The following SLC44A1 variants were observed in gnomAD, a reference collection of about 807,000 sequenced individuals.
SLC44A1 encodes choline transporter-like protein 1.
In SLC44A1, 26 loss-of-function variants were observed where a neutral mutation model predicts 79.3. The ratio of observed to expected loss-of-function variants is 0.33; its 90% confidence interval spans 0.24 to 0.46. The LOEUF is 0.46. SLC44A1 is among the 20% of genes least tolerant of loss of function. SLC44A1 has a pLI of 1.00. For missense variants in SLC44A1, 688 were observed against 798.1 expected (o/e 0.86, Z 1.66); for synonymous variants, 263 against 286.2 (o/e 0.92, Z 0.82).
chr9:105,260,826 C>T (rs1395733204), intron 1 of SLC44A1, among the ~76,000 whole-genome samples: 1 of 152,174 alleles, frequency 6.6e-6, no homozygotes, highest in Non-Finnish European at 1.5e-5. Flanking sequence ...GGGGCAGTTA[C>T]AGTTATCACT....
intron 3 of SLC44A1, among the ~76,000 whole-genome samples, chr9:105,310,960 C>G (rs1831164883): frequency 6.6e-6 from 1 of 152,136 alleles, no homozygotes; most frequent in Non-Finnish European, 1.5e-5. Context: ...GAAACAGAGG[C>G]TTGGAAGATT....
rs144759501 is a variant in SLC44A1 at position 105,376,459 on chromosome 9, C to T, written c.1632+1724C>T. Among the ~76,000 whole-genome samples the T allele has an allele frequency of 2.1e-3, 313 of 151,946 alleles. 1 individual carries two copies. The highest frequency in any genetic ancestry group is 7.4e-3 in the African/African-American group (308 of 41,400). On this transcript the variant is annotated intron_variant, in intron 13 of 15. Coordinates refer to ENST00000374720, the MANE Select transcript of SLC44A1 (RefSeq NM_080546.5). ...CACAATTTCGGCTCACTGCAACCTC[C>T]GCGTCCTGGGTTTAAGCGATTCTCC... is the stretch of plus-strand genomic sequence containing the variant.
chr9:105,360,825 C>T (rs545986721), intron 7 of SLC44A1, among the ~76,000 whole-genome samples: 1 of 152,324 alleles, frequency 6.6e-6, no homozygotes, highest in African/African-American at 2.4e-5. Flanking sequence ...TTCTGTGATG[C>T]TTATTTCCTT....
At position 105,390,668 on chromosome 9, in the gene SLC44A1, G is replaced by A. The variant is rs1028043082; in HGVS notation, c.*1612G>A. The A allele has an allele frequency of 5.1e-6, 5 of 985,304 alleles. No homozygotes were observed. The highest frequency in any genetic ancestry group is 6.0e-6 in the Non-Finnish European group (5 of 829,714). The allele number at this position is 985,304 out of a possible 1,614,324, so 61.0% of individuals were successfully genotyped here. On this transcript the variant is annotated 3_prime_UTR_variant, in exon 16 of 16. Transcript: ENST00000374720. ...AAATTGTATTTTTTTTTAAGTATTG[G>A]TGTTCTTTACTCTAGCTAGGCTAAA... is the stretch of plus-strand genomic sequence containing the variant.
At chr9:105,349,748 ATTC>A (rs1433958352) in intron 5 of SLC44A1, among the ~76,000 whole-genome samples, 2 of 152,210 alleles carry the variant, frequency 1.3e-5, no homozygotes, top group Non-Finnish European at 2.9e-5. Flanking sequence ...TTTTAAATAT[ATTC>A]TTTGAATATA....
At chr9:105,385,368 C>A in intron 14 of SLC44A1, 54 bp from the exon 15 acceptor site, 1 of 1,274,300 alleles carries the variant, frequency 7.8e-7, no homozygotes, top group Non-Finnish European at 1.1e-6. Flanking sequence ...AATTCATCTA[C>A]TAACAAATCT....
At chr9:105,347,684 A>C (rs1827282572) in intron 4 of SLC44A1, among the ~76,000 whole-genome samples, 1 of 152,044 alleles carries the variant, frequency 6.6e-6, no homozygotes, top group Non-Finnish European at 1.5e-5. Context: ...TTGCATAGCC[A>C]ATCTAAAGTT....
At chr9:105,251,249 C>G (rs1214318193) in intron 1 of SLC44A1, among the ~76,000 whole-genome samples, 2 of 152,158 alleles carry the variant, frequency 1.3e-5, no homozygotes, top group Admixed American at 1.3e-4. Context: ...CCGAATGATA[C>G]CAATGCCCTG....
chr9:105,372,825 C>G (rs1050956649), intron 12 of SLC44A1, among the ~76,000 whole-genome samples: 3 of 147,508 alleles, frequency 2.0e-5, no homozygotes, highest in African/African-American at 7.3e-5. Flanking sequence ...TGGCGGGCGC[C>G]TGTAGTCCCA....
At position 105,299,201 on chromosome 9, in the gene SLC44A1, A is replaced by T; in HGVS notation, c.37-19A>T. 1 of 1,567,456 alleles carries T rather than the reference A, an allele frequency of 6.4e-7. No homozygotes were observed. The highest frequency in any genetic ancestry group is 1.2e-5 in the South Asian group (1 of 85,816). ...TAAACTTAGCATTTAACACTCTCTT[A>T]TTTTGTATTTCCAATTAGAGCTCCA... On this transcript the variant is annotated intron_variant, in intron 1 of 15. Coordinates refer to ENST00000374720, the MANE Select transcript of SLC44A1 (RefSeq NM_080546.5).
intron 1 of SLC44A1, among the ~76,000 whole-genome samples, chr9:105,271,069 C>G (rs1340031455): frequency 6.6e-6 from 1 of 152,224 alleles, no homozygotes; most frequent in Non-Finnish European, 1.5e-5. Context: ...CTTTCACACG[C>G]TTCTTTCCTG....
At chr9:105,248,602 T>G (rs1829509894) in intron 1 of SLC44A1, among the ~76,000 whole-genome samples, 1 of 152,248 alleles carries the variant, frequency 6.6e-6, no homozygotes, top group Non-Finnish European at 1.5e-5. Flanking sequence ...TGTTTACTAA[T>G]ATTGGTAATT....
At position 105,391,143 on chromosome 9, in the gene SLC44A1, C is replaced by T; in HGVS notation, c.*2087C>T. The T allele has an allele frequency of 1.0e-6, 1 of 985,614 alleles. No homozygotes were observed. The highest frequency in any genetic ancestry group is 1.2e-6 in the Non-Finnish European group (1 of 829,876). The allele number at this position is 985,614 out of a possible 1,614,324, so 61.1% of individuals were successfully genotyped here. A position where few individuals can be genotyped will look rare whatever the true frequency, so the allele number is the denominator to read the frequency against. ...GGAGCTAGCAATTTTAAGAGGTGTC[C>T]CTCCAAAGTGACCTGATGGAAGTCC... On this transcript the variant is annotated 3_prime_UTR_variant, in exon 16 of 16. Transcript: ENST00000374720.
intron 12 of SLC44A1, among the ~76,000 whole-genome samples, chr9:105,367,351 C>A (rs898439228): frequency 6.6e-6 from 1 of 152,146 alleles, no homozygotes; most frequent in East Asian, 1.9e-4. Flanking sequence ...TTATTGGGTT[C>A]TATGGTTAAT....
downstream of SLC44A1, among the ~76,000 whole-genome samples, chr9:105,398,180 T>C (rs1175568045): frequency 6.6e-6 from 1 of 152,200 alleles, no homozygotes; most frequent in Non-Finnish European, 1.5e-5. Flanking sequence ...TTTTAGGTAA[T>C]GTTAGGGACG....
At chr9:105,311,550 A>T (rs545580614) in intron 3 of SLC44A1, among the ~76,000 whole-genome samples, 2 of 152,244 alleles carry the variant, frequency 1.3e-5, no homozygotes, top group South Asian at 2.1e-4. Context: ...AAATACTTGG[A>T]TTATTCTATG....
chr9:105,256,927 C>T (rs1829722983), intron 1 of SLC44A1, among the ~76,000 whole-genome samples: 1 of 151,620 alleles, frequency 6.6e-6, no homozygotes. Context: ...GCTGGGATTA[C>T]AGGTGCCCAC....
intron 3 of SLC44A1, among the ~76,000 whole-genome samples, chr9:105,335,160 A>G (rs954916015): frequency 1.3e-5 from 2 of 152,068 alleles, no homozygotes; most frequent in Non-Finnish European, 2.9e-5. Flanking sequence ...TACATTTATT[A>G]ACTAAAGTTT....
chr9:105,345,450 A>T (rs1359992024), intron 4 of SLC44A1, among the ~76,000 whole-genome samples: 1 of 152,144 alleles, frequency 6.6e-6, no homozygotes, highest in African/African-American at 2.4e-5. Context: ...TTGGCCCAGG[A>T]GTTTATTGAA....
Sources: allele counts gnomAD v4.1 joint callset (sites outside exome capture counted in the v4.1 genomes callset), GRCh38; gene constraint gnomAD v4.1.1; transcripts MANE v1.5; gene names NCBI Gene and HGNC (gene_info 2026-07-23, HGNC 2026-07-21).